The following MCM6 variants were observed in gnomAD, a reference collection of about 807,000 sequenced individuals.
MCM6 encodes the protein minichromosome maintenance complex component 6, also known as DNA replication licensing factor MCM6.
In MCM6, 46 loss-of-function variants were observed where a neutral mutation model predicts 94.3. The observed-to-expected ratio is 0.49, with a 90% CI of 0.39 to 0.62. The LOEUF (loss-of-function observed/expected upper bound fraction) is 0.62, where lower values mean the gene tolerates loss of function less well. Among genes scored for constraint, MCM6 ranks in the 20% least tolerant of loss-of-function variants. MCM6 has a pLI of 0.00. For synonymous variants in MCM6, 335 were observed against 351.9 expected, an observed-to-expected ratio of 0.95 and a Z score of 0.54; for missense variants, 865 against 1,017.9, an observed-to-expected ratio of 0.85 and a Z score of 2.04.
At chr2:135,874,555 A>C (rs73957046) in intron 1 of MCM6, among the ~76,000 whole-genome samples, 10,347 of 152,290 alleles carry the variant, frequency 0.068, 898 homozygotes, top group African/African-American at 0.2. Flanking sequence ...TTCACAATAG[A>C]CAAAAGGTGG....
chr2:135,874,387 TGA>T (rs1680259650), intron 1 of MCM6, among the ~76,000 whole-genome samples: 1 of 152,184 alleles, frequency 6.6e-6, no homozygotes, highest in South Asian at 2.1e-4. Flanking sequence ...CACAAAGGTG[TGA>T]GTTTTTAGCT....
At position 135,846,372 on chromosome 2, in the gene MCM6, G is replaced by A; in HGVS notation, c.2074C>T (p.Pro692Ser). The stretch of plus-strand genomic sequence containing the variant: ...TTGTAGCCATTGATCCCGTTCACAG[G>A]AGCAGGGCTGTCAGCATGACCTAAG... ...GINGHADSPA[P>S]VNGINGYNED... Residue 692 changes from proline to serine, a missense_variant, in exon 15 of 17, where the codon CCT becomes TCT. By Grantham distance (74) the Pro-to-Ser change is moderately conservative. Around this residue, in one of 3 missense-constraint regions of MCM6, gnomAD observed 308 missense variants for 324.5 expected, o/e 0.95. Transcript: ENST00000264156. 4 of 1,614,118 alleles carry A rather than the reference G, an allele frequency of 2.5e-6. No individual in the cohort carries two copies. Among genetic ancestry groups the A allele is most frequent in the Non-Finnish European group, 3.4e-6 (4 of 1,180,004 alleles).
chr2:135,862,747 G>C lies in MCM6; in HGVS notation c.1080C>G (p.Gly360=). The change falls in exon 8 of 17, where the codon GGC becomes GGG. Residue 360 remains glycine, a splice_region_variant and synonymous_variant. Transcript: ENST00000264156. Reference sequence around the variant, plus strand: ...GGACACCCCGTTTTACTTCATCATTGCCTGAAATGAAAAGAAGCTACAGAT... The same window carrying C: ...GGACACCCCGTTTTACTTCATCATTCCCTGAAATGAAAAGAAGCTACAGAT... ...LCTSLFPTIH[G]NDEVKRGVLL... 1 of 1,612,748 alleles carries C rather than the reference G, an allele frequency of 6.2e-7. No individual in the cohort carries two copies.
chr2:135,876,341 G>T lies in MCM6; in HGVS notation c.25C>A (p.Pro9Thr), dbSNP rs1414034542. Reference sequence around the variant, plus strand: ...TCCAGGTGCTGGCTGCCGGCGCCCGGCTCCGCTGCCGCCGCGAGGTCCATA... The same window carrying T: ...TCCAGGTGCTGGCTGCCGGCGCCCGTCTCCGCTGCCGCCGCGAGGTCCATA... Reference protein sequence around the residue: MDLAAAAEPGAGSQHLEVR... With the variant: MDLAAAAETGAGSQHLEVR... The change falls in exon 1 of 17, where the codon CCG becomes ACG. Residue 9 changes from proline to threonine, a missense_variant. Around this residue, in one of 3 missense-constraint regions of MCM6, gnomAD observed 404 missense variants for 451.9 expected, o/e 0.89. Transcript: ENST00000264156. The T allele has an allele frequency of 6.2e-7, 1 of 1,608,902 alleles. No individual in the cohort carries two copies. Among genetic ancestry groups the T allele is most frequent in the Non-Finnish European group, 8.5e-7 (1 of 1,179,148 alleles).
intron 2 of MCM6, among the ~76,000 whole-genome samples, chr2:135,871,141 G>C (rs1434182894): frequency 6.6e-6 from 1 of 152,162 alleles, no homozygotes; most frequent in Non-Finnish European, 1.5e-5. Flanking sequence ...TGACTGGTGA[G>C]AGTGAAGTAT....
chr2:135,867,654 A>G (rs1011412708), intron 4 of MCM6, among the ~76,000 whole-genome samples: 1 of 152,134 alleles, frequency 6.6e-6, no homozygotes, highest in African/African-American at 2.4e-5. Context: ...ACTGCCATCC[A>G]TCACCTCTTG....
chr2:135,856,633 C>T (rs947545886), intron 11 of MCM6, 95 bp downstream of exon 11: 20 of 1,279,178 alleles, frequency 1.6e-5, no homozygotes, highest in Non-Finnish European at 2.2e-5. Context: ...AAGGCTGGTG[C>T]ACATACATGC....
At position 135,860,777 on chromosome 2, in the gene MCM6, T is replaced by G. The variant is rs151041452; in HGVS notation, c.1221-1335A>C. On this transcript the variant is annotated intron_variant, in intron 8 of 16. Transcript: ENST00000264156. ...TGAAAACCCACAGATAACATCAAAC[T>G]TAAAGGTGAAAGGCTGAATGTTTTG... is the stretch of plus-strand genomic sequence containing the variant. Among the ~76,000 whole-genome samples the G allele has an allele frequency of 1.6e-3, 245 of 152,292 alleles. 4 individuals are homozygous for G. Among genetic ancestry groups the G allele is most frequent in the Admixed American group, 6.5e-3 (100 of 15,294 alleles).
At chr2:135,850,771 GA>G (rs1212255741) in intron 13 of MCM6, among the ~76,000 whole-genome samples, 2 of 151,994 alleles carry the variant, frequency 1.3e-5, no homozygotes, top group African/African-American at 4.8e-5. Flanking sequence ...GGATGTATGT[GA>G]AAAAACTCAC....
At chr2:135,848,451 C>G (rs112270016) in intron 13 of MCM6, among the ~76,000 whole-genome samples, 1 of 152,058 alleles carries the variant, frequency 6.6e-6, no homozygotes, top group Non-Finnish European at 1.5e-5. Context: ...TCATTCACAG[C>G]GGTGAAAACA....
intron 11 of MCM6, 38 bp from the exon 12 acceptor site, chr2:135,852,953 C>A (rs756746370): frequency 7.1e-6 from 11 of 1,554,736 alleles, no homozygotes; most frequent in Middle Eastern, 1.7e-4. Context: ...ATAGTCACAG[C>A]AATATCTTCT....
chr2:135,859,571 G>C, intron 8 of MCM6, 129 bp from the exon 9 acceptor site: 1 of 574,592 alleles, frequency 1.7e-6, no homozygotes, highest in Non-Finnish European at 3.0e-6. Flanking sequence ...GAAGACACAT[G>C]CCACAGACTA....
chr2:135,856,933 T>C (rs1240428463), intron 10 of MCM6, 50 bp from the exon 11 acceptor site: 3 of 1,513,154 alleles, frequency 2.0e-6, no homozygotes, highest in Non-Finnish European at 2.7e-6. Context: ...CATCAGCCAA[T>C]AAATATATAA....
chr2:135,849,052 G>C (rs1679719337), intron 13 of MCM6, among the ~76,000 whole-genome samples: 1 of 152,216 alleles, frequency 6.6e-6, no homozygotes, highest in Non-Finnish European at 1.5e-5. Context: ...GAGTGAAACA[G>C]AAGACTTAAG....
chr2:135,855,960 T>G (rs1244778733), intron 11 of MCM6, among the ~76,000 whole-genome samples: 1 of 151,574 alleles, frequency 6.6e-6, no homozygotes, highest in Non-Finnish European at 1.5e-5. Context: ...CACTCAATCT[T>G]AAAAGTGAGA....
chr2:135,850,560 C>A (rs539023108), intron 13 of MCM6, among the ~76,000 whole-genome samples: 1 of 151,976 alleles, frequency 6.6e-6, no homozygotes, highest in Non-Finnish European at 1.5e-5. Flanking sequence ...GAAAGTACTT[C>A]GTCAATAGTA....
intron 15 of MCM6, 64 bp downstream of exon 15, chr2:135,846,173 T>C (rs1679667169): frequency 1.3e-6 from 2 of 1,495,352 alleles, no homozygotes; most frequent in Non-Finnish European, 1.8e-6. Flanking sequence ...CAATCACAAG[T>C]GGCCTATGTG....
At chr2:135,868,968 CAA>C in intron 3 of MCM6, 108 bp from the exon 4 acceptor site, 1 of 1,084,466 alleles carries the variant, frequency 9.2e-7, no homozygotes, top group Non-Finnish European at 1.3e-6. Context: ...AAAAAAAATT[CAA>C]GAGACAAGGT....
Position 135,844,699 on chromosome 2 carries a change from C to T in MCM6, c.2210-15G>A, listed in dbSNP as rs1309025924. The T allele has an allele frequency of 6.5e-7, 1 of 1,529,370 alleles. No homozygotes were observed. The highest frequency in any genetic ancestry group is 1.4e-5 in the African/African-American group (1 of 71,234). 94.7% of individuals were successfully genotyped at this position (1,529,370 alleles called of 1,614,324 possible). ...CTCGTCCTCTTCTGCAACAAAAAAA[C>T]ACATTCAAATTATCCTAGCAACTCG... On this transcript the variant is annotated splice_polypyrimidine_tract_variant and intron_variant, in intron 15 of 16. Transcript: ENST00000264156.
Sources: allele counts gnomAD v4.1 joint callset (sites outside exome capture counted in the v4.1 genomes callset), GRCh38; gene constraint gnomAD v4.1.1; regional missense constraint gnomAD v4.1.1; transcripts MANE v1.5; gene names NCBI Gene and HGNC (gene_info 2026-07-23, HGNC 2026-07-21).